VPS13B: variants seen among roughly 807,000 people sequenced by gnomAD.
VPS13B encodes the protein intermembrane lipid transfer protein VPS13B.
In VPS13B, 285 loss-of-function variants were observed where a neutral mutation model predicts 426.4. The observed-to-expected ratio is 0.67, with a 90% confidence interval of 0.61 to 0.74. VPS13B has a LOEUF of 0.74. Among genes scored for constraint, VPS13B ranks in the 30% least tolerant of loss-of-function variants. The probability of loss-of-function intolerance (pLI) is 0.00; values close to 1 mark genes in which losing one functional copy is unlikely to be tolerated. For synonymous variants in VPS13B, 1,676 were observed against 1,676.4 expected (o/e 1.00, Z 0.01); for missense variants, 4,537 against 4,782.6 (o/e 0.95, Z 1.51).
At chr8:99,298,924 C>T (rs1820189896) in intron 19 of VPS13B, among the ~76,000 whole-genome samples, 1 of 152,130 alleles carries the variant, frequency 6.6e-6, no homozygotes, top group Non-Finnish European at 1.5e-5. Context: ...GGCAGGTGCT[C>T]AGAAAGCAGC....
intron 3 of VPS13B, among the ~76,000 whole-genome samples, chr8:99,075,172 T>C (rs1338863880): frequency 6.6e-6 from 1 of 152,218 alleles, no homozygotes; most frequent in Non-Finnish European, 1.5e-5. Flanking sequence ...TGATGTGCTA[T>C]ACTATTCTTG....
At chr8:99,166,012 C>T (rs745781891) in intron 15 of VPS13B, among the ~76,000 whole-genome samples, 4 of 152,120 alleles carry the variant, frequency 2.6e-5, no homozygotes, top group Admixed American at 6.5e-5. Context: ...TCTAGTTTTG[C>T]ACTGTTGCCC....
chr8:99,813,624 A>G (rs1177984048), intron 44 of VPS13B, among the ~76,000 whole-genome samples: 1 of 152,250 alleles, frequency 6.6e-6, no homozygotes, highest in Non-Finnish European at 1.5e-5. Flanking sequence ...GTGAAAGCAT[A>G]GTTTTAAAAG....
intron 34 of VPS13B, among the ~76,000 whole-genome samples, chr8:99,644,493 T>C (rs796934543): frequency 4.6e-5 from 7 of 152,262 alleles, no homozygotes; most frequent in African/African-American, 1.7e-4. Context: ...GAAAAAACCT[T>C]GTATGTAAAC....
intron 39 of VPS13B, among the ~76,000 whole-genome samples, chr8:99,743,791 C>G (rs1331905058): frequency 5.9e-5 from 9 of 152,084 alleles, no homozygotes; most frequent in East Asian, 1.9e-4. Flanking sequence ...AGCTGAAACT[C>G]AATCCCTTCC....
At chr8:99,128,738 GA>G (rs764000741) in intron 8 of VPS13B, among the ~76,000 whole-genome samples, 88 of 145,340 alleles carry the variant, frequency 6.1e-4, no homozygotes, top group South Asian at 1.1e-3. Flanking sequence ...TGCAGCAGTG[GA>G]AAAAAAAAAA....
chr8:99,366,534 T>G (rs1460504092), intron 19 of VPS13B, among the ~76,000 whole-genome samples: 2 of 151,716 alleles, frequency 1.3e-5, no homozygotes, highest in African/African-American at 2.4e-5. Context: ...TTTTTGTTTT[T>G]TTTTTTTTAA....
intron 17 of VPS13B, chr8:99,209,854 C>A: frequency 1.7e-6 from 1 of 583,348 alleles, no homozygotes; most frequent in Non-Finnish European, 2.2e-6. Context: ...ACTTCAGTTA[C>A]AGAACTTAAA....
chr8:99,697,160 G>T, intron 35 of VPS13B: 2 of 541,998 alleles, frequency 3.7e-6, no homozygotes, highest in Admixed American at 2.8e-5. Flanking sequence ...CAGAGATTGT[G>T]GCAAAGGAAG....
chr8:99,497,150 A>G (rs1820938525), intron 25 of VPS13B, among the ~76,000 whole-genome samples: 1 of 138,750 alleles, frequency 7.2e-6, no homozygotes, highest in Non-Finnish European at 1.5e-5. Flanking sequence ...ATATATATTT[A>G]TGTAATATAA....
At chr8:99,745,406 G>A (rs1039296510) in intron 39 of VPS13B, among the ~76,000 whole-genome samples, 4 of 152,018 alleles carry the variant, frequency 2.6e-5, no homozygotes, top group African/African-American at 9.6e-5. Flanking sequence ...ACTTTCTGTG[G>A]TTTCACTTTC....
chr8:99,075,953 G>A (rs890180201), intron 3 of VPS13B, among the ~76,000 whole-genome samples: 1 of 151,978 alleles, frequency 6.6e-6, no homozygotes, highest in Non-Finnish European at 1.5e-5. Context: ...TCATCATTAG[G>A]TGGTTTTTTT....
chr8:99,414,363 T>G (rs1282043714), intron 21 of VPS13B, among the ~76,000 whole-genome samples: 1 of 152,074 alleles, frequency 6.6e-6, no homozygotes, highest in African/African-American at 2.4e-5. Context: ...GGGTCTTGAC[T>G]CTGTATCCCA....
At chr8:99,691,482 G>A (rs936477642) in intron 35 of VPS13B, among the ~76,000 whole-genome samples, 4 of 151,770 alleles carry the variant, frequency 2.6e-5, no homozygotes, top group Non-Finnish European at 4.4e-5. Flanking sequence ...TATTGTGCAC[G>A]GGTGACTCAA....
chr8:99,310,699 C>T (rs1588235495), intron 19 of VPS13B, among the ~76,000 whole-genome samples: 1 of 152,182 alleles, frequency 6.6e-6, no homozygotes, highest in South Asian at 2.1e-4. Context: ...ATGCTGGCCT[C>T]ATAAAATGAG....
chr8:99,567,043 A>G (rs1408179429), intron 31 of VPS13B, among the ~76,000 whole-genome samples: 1 of 152,164 alleles, frequency 6.6e-6, no homozygotes, highest in Non-Finnish European at 1.5e-5. Flanking sequence ...TATAGGTGTG[A>G]GCCACTGTAC....
chr8:99,760,815 T>G (rs1810890378), intron 39 of VPS13B, among the ~76,000 whole-genome samples: 1 of 152,222 alleles, frequency 6.6e-6, no homozygotes, highest in Non-Finnish European at 1.5e-5. Context: ...AGACTTTTCT[T>G]GTCATTATTT....
chr8:99,751,712 A>G lies in VPS13B; in HGVS notation c.7051-15062A>G, dbSNP rs534042716. Among the ~76,000 whole-genome samples, 3 of 152,318 alleles carry G rather than the reference A, an allele frequency of 2.0e-5. No homozygotes were observed. The South Asian group carries it at 6.2e-4, about 32-fold the overall frequency. On this transcript the variant is annotated intron_variant, in intron 39 of 61. Transcript: ENST00000357162. Reference sequence around the variant, plus strand: ...TGTGTTACATATAAAATCACTTTCAATAAAGTACAGACATTGTCAAGAATT... The same window carrying G: ...TGTGTTACATATAAAATCACTTTCAGTAAAGTACAGACATTGTCAAGAATT...
intron 30 of VPS13B, among the ~76,000 whole-genome samples, chr8:99,542,793 T>C (rs1365115028): frequency 1.3e-5 from 2 of 152,142 alleles, no homozygotes; most frequent in Non-Finnish European, 1.5e-5. Context: ...TCCCTCAATT[T>C]TATTTGTAAA....
Sources: gnomAD v4.1 joint callset for allele counts (sites outside exome capture counted in the v4.1 genomes callset) on GRCh38, gnomAD v4.1.1 for gene constraint, MANE v1.5 for transcripts, NCBI Gene and HGNC (gene_info 2026-07-23, HGNC 2026-07-21) for gene names.